Variants in CXADR observed in about 807,000 individuals in gnomAD.
CXADR encodes coxsackievirus and adenovirus receptor.
Under a neutral mutation model 40.3 loss-of-function variants are expected in CXADR, and 20 were observed. The observed-to-expected ratio is 0.50, with a 90% confidence interval of 0.35 to 0.72. CXADR has a LOEUF of 0.72. Ranked by LOEUF, CXADR falls within the 30% of genes least tolerant of loss-of-function variation. The probability of loss-of-function intolerance (pLI) is 0.01; values close to 1 mark genes in which losing one functional copy is unlikely to be tolerated. For missense variants in CXADR, 332 were observed against 449.1 expected (o/e 0.74, Z 2.36); for synonymous variants, 150 against 161.3 (o/e 0.93, Z 0.53).
At chr21:17,620,566 G>A in the CXADR span, among the ~76,000 whole-genome samples, 1 of 152,144 alleles carries the variant, frequency 6.6e-6, no homozygotes, top group East Asian at 1.9e-4. Context: ...ATCACAAGCT[G>A]TTGGAAAAAT....
At chr21:17,551,693 C>G in intron 2 of CXADR, 56 bp from the exon 3 acceptor site, 2 of 1,499,044 alleles carry the variant, frequency 1.3e-6, no homozygotes, top group Non-Finnish European at 1.8e-6. Flanking sequence ...CTTTAAGAGA[C>G]AGTTTTTTTT....
At chr21:17,536,289 A>G (rs907357306) in intron 1 of CXADR, among the ~76,000 whole-genome samples, 6 of 152,230 alleles carry the variant, frequency 3.9e-5, no homozygotes, top group African/African-American at 1.4e-4. Flanking sequence ...ATTTCTTCTC[A>G]GATTTGCTAA....
At chr21:17,516,509 C>A (rs1431506926) in intron 1 of CXADR, among the ~76,000 whole-genome samples, 1 of 152,178 alleles carries the variant, frequency 6.6e-6, no homozygotes, top group Non-Finnish European at 1.5e-5. Flanking sequence ...GGACCTGCAG[C>A]GTCAGCATTA....
chr21:17,540,294 G>T (rs2060811116), intron 1 of CXADR, among the ~76,000 whole-genome samples: 1 of 151,998 alleles, frequency 6.6e-6, no homozygotes, highest in Non-Finnish European at 1.5e-5. Context: ...GGGGGGACAT[G>T]ATTTACTCTA....
chr21:17,564,248 T>G (rs1302883556), intron 6 of CXADR, among the ~76,000 whole-genome samples: 1 of 150,972 alleles, frequency 6.6e-6, no homozygotes, highest in African/African-American at 2.4e-5. Flanking sequence ...ATCCCAGCAC[T>G]TTGGGAGGCG....
intron 7 of CXADR, among the ~76,000 whole-genome samples, chr21:17,580,859 T>G (rs2061355451): frequency 6.6e-6 from 1 of 152,088 alleles, no homozygotes; most frequent in African/African-American, 2.4e-5. Flanking sequence ...CAAGCAGTCC[T>G]CCCACCTCAT....
intron 1 of CXADR, among the ~76,000 whole-genome samples, chr21:17,518,257 A>T (rs1023016614): frequency 2.0e-5 from 3 of 151,968 alleles, no homozygotes; most frequent in African/African-American, 7.2e-5. Flanking sequence ...CACCAAAAAT[A>T]CCCCAAACCA....
At chr21:17,537,193 C>G (rs1433263352) in intron 1 of CXADR, among the ~76,000 whole-genome samples, 1 of 152,202 alleles carries the variant, frequency 6.6e-6, no homozygotes, top group Non-Finnish European at 1.5e-5. Context: ...TTGTCTTTTT[C>G]CCCTTAGTGC....
intron 7 of CXADR, among the ~76,000 whole-genome samples, chr21:17,591,799 A>G (rs1405423102): frequency 1.3e-5 from 2 of 151,874 alleles, no homozygotes; most frequent in Non-Finnish European, 2.9e-5. Flanking sequence ...GAGTTGTCTA[A>G]GGGAGACAAA....
chr21:17,522,439 C>T (rs890838819), intron 1 of CXADR, among the ~76,000 whole-genome samples: 3 of 152,130 alleles, frequency 2.0e-5, no homozygotes, highest in African/African-American at 7.2e-5. Flanking sequence ...TGAGCCACTG[C>T]GCTCAGCCTT....
At chr21:17,630,705 T>A in the CXADR span, among the ~76,000 whole-genome samples, 1 of 144,564 alleles carries the variant, frequency 6.9e-6, no homozygotes, top group Admixed American at 7.3e-5. Flanking sequence ...AGAAAATGCA[T>A]CTATTGTCAT....
intron 1 of CXADR, among the ~76,000 whole-genome samples, chr21:17,542,799 G>A (rs917385229): frequency 6.6e-6 from 1 of 152,184 alleles, no homozygotes; most frequent in Non-Finnish European, 1.5e-5. Context: ...TAGTTTGCAA[G>A]TTAAATTGTT....
the CXADR span, chr21:17,608,859 A>G: frequency 1.1e-5 from 11 of 1,036,004 alleles, no homozygotes; most frequent in Non-Finnish European, 1.5e-5. Flanking sequence ...CCAGAGTTCT[A>G]TATTTTGCAG....
intron 1 of CXADR, among the ~76,000 whole-genome samples, chr21:17,515,458 A>AAT (rs1600934233): frequency 6.6e-6 from 1 of 151,676 alleles, no homozygotes; most frequent in African/African-American, 2.4e-5. Context: ...AAAAAAAAAA[A>AAT]GAAGACATAC....
At chr21:17,561,304 A>G (rs751593551) in intron 5 of CXADR, 34 bp from the exon 6 acceptor site, 16 of 1,289,800 alleles carry the variant, frequency 1.2e-5, no homozygotes, top group Non-Finnish European at 1.7e-5. Context: ...GTATATATGT[A>G]TATATTTTTT....
chr21:17,586,210 C>A (rs1488182540), intron 7 of CXADR, among the ~76,000 whole-genome samples: 1 of 151,800 alleles, frequency 6.6e-6, no homozygotes, highest in East Asian at 1.9e-4. Flanking sequence ...ATTGATTTGG[C>A]CTTACTAAAT....
chr21:17,624,441 C>T, the CXADR span, among the ~76,000 whole-genome samples: 3 of 152,240 alleles, frequency 2.0e-5, no homozygotes. Flanking sequence ...TAGGGCCCAC[C>T]CTTATCTCCC....
chr21:17,559,197 T>C (rs1447434767), intron 4 of CXADR, 66 bp downstream of exon 4: 20 of 1,544,542 alleles, frequency 1.3e-5, no homozygotes, highest in Non-Finnish European at 1.8e-6. Context: ...TAGGGGTGTG[T>C]GTGTGATTTG....
chr21:17,618,944 G>A, the CXADR span, among the ~76,000 whole-genome samples: 1 of 152,152 alleles, frequency 6.6e-6, no homozygotes, highest in African/African-American at 2.4e-5. Flanking sequence ...TAATCTCCTT[G>A]TAGATATCCA....
Sources: allele counts gnomAD v4.1 joint callset (sites outside exome capture counted in the v4.1 genomes callset), GRCh38; gene constraint gnomAD v4.1.1; transcripts MANE v1.5; gene names NCBI Gene and HGNC (gene_info 2026-07-23, HGNC 2026-07-21).